Variants in PDE11A observed in about 807,000 individuals in gnomAD.
PDE11A encodes phosphodiesterase 11A.
In PDE11A, 100 loss-of-function variants were observed where a neutral mutation model predicts 100.5. The observed-to-expected ratio is 1.00, with a 90% CI of 0.85 to 1.18. The LOEUF (loss-of-function observed/expected upper bound fraction) is 1.18. Ranked by LOEUF, PDE11A falls within the 50% of genes most tolerant of loss-of-function variation. The pLI, the probability that PDE11A is intolerant of heterozygous loss-of-function variation, is 0.00. For missense variants in PDE11A, 1,141 were observed against 1,152.6 expected (o/e 0.99, Z 0.15); for synonymous variants, 381 against 420.8 (o/e 0.91, Z 1.16).
chr2:178,082,849 T>C (rs916121355), intron 2 of PDE11A, among the ~76,000 whole-genome samples: 1 of 152,050 alleles, frequency 6.6e-6, no homozygotes, highest in African/African-American at 2.4e-5. Flanking sequence ...TTGTTATCAG[T>C]GAAAGGACTA....
At chr2:177,693,572 C>T (rs2081070904) in intron 15 of PDE11A, among the ~76,000 whole-genome samples, 1 of 152,204 alleles carries the variant, frequency 6.6e-6, no homozygotes, top group Non-Finnish European at 1.5e-5. Flanking sequence ...TTATCTCCAA[C>T]TTTGCTTTGG....
chr2:177,979,072 T>A (rs2085843887), intron 2 of PDE11A, among the ~76,000 whole-genome samples: 1 of 95,978 alleles, frequency 1.0e-5, no homozygotes, highest in African/African-American at 5.2e-5. Context: ...AAACTTAGAG[T>A]ATAATAAAAA....
At chr2:177,749,218 T>A (rs889516993) in intron 10 of PDE11A, among the ~76,000 whole-genome samples, 3 of 151,920 alleles carry the variant, frequency 2.0e-5, no homozygotes, top group African/African-American at 7.3e-5. Context: ...TGTTTGTTTG[T>A]TTTGTGAGAG....
At chr2:177,635,984 G>A (rs1477069035) in intron 19 of PDE11A, among the ~76,000 whole-genome samples, 1 of 151,862 alleles carries the variant, frequency 6.6e-6, no homozygotes, top group Non-Finnish European at 1.5e-5. Flanking sequence ...GGATATCCCT[G>A]TACATAGCCT....
chr2:177,818,008 T>C (rs1021024658), intron 7 of PDE11A, 83 bp from the exon 8 acceptor site: 1 of 763,254 alleles, frequency 1.3e-6, no homozygotes, highest in South Asian at 1.4e-5. Context: ...GCTAACTCTA[T>C]GCCTTTTTTA....
chr2:177,920,346 C>G (rs1202045293), intron 2 of PDE11A, among the ~76,000 whole-genome samples: 1 of 151,234 alleles, frequency 6.6e-6, no homozygotes, highest in African/African-American at 2.4e-5. Context: ...AAAAAAATAC[C>G]TCAAAAATGG....
intron 9 of PDE11A, among the ~76,000 whole-genome samples, chr2:177,796,037 A>G (rs1404426198): frequency 1.4e-5 from 2 of 146,522 alleles, no homozygotes; most frequent in East Asian, 3.9e-4. Flanking sequence ...GGAGTGAAAT[A>G]TATCTTAAAG....
chr2:177,881,377 A>G (rs1364132724), intron 4 of PDE11A, among the ~76,000 whole-genome samples: 5 of 150,650 alleles, frequency 3.3e-5, no homozygotes, highest in African/African-American at 9.9e-5. Context: ...CTATCTATCT[A>G]TCTATCTATC....
rs1289434143 is a variant in PDE11A at position 177,834,627 on chromosome 2, C to G, written c.1500+5624G>C. ...CCCCACCAGGCACCCACGCAGTCTTCCCTTCCCCTGGCCAAGGGGTCCAGC... is the reference window on the plus strand; with the variant it reads ...CCCCACCAGGCACCCACGCAGTCTTGCCTTCCCCTGGCCAAGGGGTCCAGC... On this transcript the variant is annotated intron_variant, in intron 6 of 19. Transcript: ENST00000286063. 2.0e-5 allele frequency among the ~76,000 whole-genome samples: 3 copies of G among 152,294 alleles called. No homozygotes were observed. In the East Asian group the frequency reaches 5.8e-4, roughly 29 times the overall value.
chr2:177,868,780 G>A (rs2084073961), intron 5 of PDE11A, among the ~76,000 whole-genome samples: 1 of 152,186 alleles, frequency 6.6e-6, no homozygotes, highest in Non-Finnish European at 1.5e-5. Flanking sequence ...ATTGAACTTA[G>A]TAGAAGATAC....
chr2:177,792,494 G>A (rs1054130141), intron 9 of PDE11A, among the ~76,000 whole-genome samples: 4 of 152,108 alleles, frequency 2.6e-5, no homozygotes, highest in Non-Finnish European at 5.9e-5. Context: ...TTACCATTAT[G>A]CTTTGAGAGA....
chr2:177,789,057 G>C (rs1370872857), intron 9 of PDE11A, among the ~76,000 whole-genome samples: 1 of 152,210 alleles, frequency 6.6e-6, no homozygotes, highest in African/African-American at 2.4e-5. Context: ...GCATCATTCT[G>C]ATACCAAAGC....
chr2:177,846,835 T>G (rs549880377), intron 5 of PDE11A, among the ~76,000 whole-genome samples: 1 of 152,318 alleles, frequency 6.6e-6, no homozygotes, highest in East Asian at 1.9e-4. Context: ...AAATTGGGCA[T>G]GTAATCTCAA....
chr2:177,882,059 G>A (rs2084352026), intron 4 of PDE11A, among the ~76,000 whole-genome samples: 1 of 152,164 alleles, frequency 6.6e-6, no homozygotes, highest in Non-Finnish European at 1.5e-5. Context: ...CAGGGTAAGT[G>A]GTAAGAGATA....
At chr2:178,008,074 AAAATG>A (rs1449023435) in intron 2 of PDE11A, among the ~76,000 whole-genome samples, 3 of 152,316 alleles carry the variant, frequency 2.0e-5, no homozygotes, top group East Asian at 3.9e-4. Context: ...AAAAGGAAAA[AAAATG>A]AAATGAGAAC....
chr2:178,100,945 T>C (rs1428154694), intron 2 of PDE11A, among the ~76,000 whole-genome samples: 2 of 152,190 alleles, frequency 1.3e-5, no homozygotes, highest in African/African-American at 2.4e-5. Context: ...TATAGAGAAA[T>C]ACTTTAAAAA....
intron 9 of PDE11A, among the ~76,000 whole-genome samples, chr2:177,777,062 TAAG>T (rs754047542): frequency 6.6e-6 from 1 of 152,164 alleles, no homozygotes; most frequent in Non-Finnish European, 1.5e-5. Flanking sequence ...CTGCTGATTG[TAAG>T]TTTCCTGAGG....
At chr2:178,051,168 C>T (rs992899488) in intron 1 of PDE11A, among the ~76,000 whole-genome samples, 1 of 152,256 alleles carries the variant, frequency 6.6e-6, no homozygotes, top group African/African-American at 2.4e-5. Context: ...TCAGCAGAAA[C>T]TCTGCAAGCC....
At chr2:177,716,203 C>G (rs1042362122) in intron 12 of PDE11A, among the ~76,000 whole-genome samples, 2 of 152,178 alleles carry the variant, frequency 1.3e-5, no homozygotes, top group Non-Finnish European at 2.9e-5. Flanking sequence ...GGCAAATACT[C>G]TGGTTATGGC....
Sources: allele counts gnomAD v4.1 joint callset (sites outside exome capture counted in the v4.1 genomes callset), GRCh38; gene constraint gnomAD v4.1.1; transcripts MANE v1.5; gene names NCBI Gene and HGNC (gene_info 2026-07-23, HGNC 2026-07-21).